The following SLC25A32 variants were observed in gnomAD, a reference collection of about 807,000 sequenced individuals.
The protein encoded by SLC25A32 is solute carrier family 25 member 32, also known as Glycine auxotroph B, complementation of hamster.
SLC25A32 carries 32 observed loss-of-function variants against 39.0 expected under a neutral mutation model. The observed-to-expected ratio is 0.82, with a 90% confidence interval of 0.62 to 1.10. SLC25A32 has a LOEUF of 1.10. SLC25A32 is among the 50% of genes least tolerant of loss of function. SLC25A32 has a pLI of 0.00. For synonymous variants in SLC25A32, 166 were observed against 152.4 expected (o/e 1.09, Z -0.66); for missense variants, 367 against 395.3 (o/e 0.93, Z 0.61).
intron 2 of SLC25A32, 47 bp from the exon 3 acceptor site, chr8:103,404,908 A>C (rs907923318): frequency 8.1e-6 from 11 of 1,360,520 alleles, no homozygotes; most frequent in African/African-American, 1.4e-5. Flanking sequence ...GGTGTCATTA[A>C]GTCTGTTTTA....
rs968937268 is a variant in SLC25A32 at position 103,399,067 on chromosome 8, G to A, written c.*1344C>T. ...ATACTAGTATTCTGGCATCCTTTGG[G>A]TACAGGCCCTTTTATATTTATAGAT... On this transcript the variant is annotated 3_prime_UTR_variant, in exon 7 of 7. Transcript: ENST00000297578. 8 of 152,134 alleles carry A rather than the reference G, an allele frequency of 5.3e-5. No individual in the cohort carries two copies. The highest frequency in any genetic ancestry group is 1.9e-4 in the African/African-American group (8 of 41,436). 9.4% of individuals were successfully genotyped at this position (152,134 alleles called of 1,614,324 possible).
chr8:103,406,856 A>G (rs1428217005), intron 2 of SLC25A32, among the ~76,000 whole-genome samples: 2 of 152,256 alleles, frequency 1.3e-5, no homozygotes, highest in Non-Finnish European at 2.9e-5. Context: ...ACAAGTAATT[A>G]ATGATACTTC....
intron 1 of SLC25A32, among the ~76,000 whole-genome samples, chr8:103,411,662 C>T (rs1304520812): frequency 6.6e-6 from 1 of 152,134 alleles, no homozygotes; most frequent in Non-Finnish European, 1.5e-5. Context: ...TTTCTCTGCC[C>T]ATCCTTAAAT....
chr8:103,403,822 C>G (rs1292420107), intron 3 of SLC25A32, among the ~76,000 whole-genome samples: 1 of 152,122 alleles, frequency 6.6e-6, no homozygotes, highest in African/African-American at 2.4e-5. Flanking sequence ...AACTACTACC[C>G]CTCAAAAATT....
chr8:103,400,358 A>G lies in SLC25A32; in HGVS notation c.*53T>C, dbSNP rs1816190480. ...AATTCTTCTTTTATGCCTTAAACAC[A>G]AAAGAGCTTGTTGCTGCCTTGGGCA... On this transcript the variant is annotated 3_prime_UTR_variant, in exon 7 of 7. Coordinates refer to ENST00000297578, the MANE Select transcript of SLC25A32 (RefSeq NM_030780.5). 2.3e-5 allele frequency: 37 copies of G among 1,604,600 alleles called. No homozygotes were observed. The highest frequency in any genetic ancestry group is 3.1e-5 in the Non-Finnish European group (37 of 1,174,618).
chr8:103,401,972 TG>T lies in SLC25A32; in HGVS notation c.634del (p.Gln212SerfsTer11). On this transcript the variant is annotated frameshift_variant, in exon 5 of 7. Coordinates refer to ENST00000297578, the MANE Select transcript of SLC25A32 (RefSeq NM_030780.5). LOFTEE classifies it high-confidence loss of function. ...GGCTTCTGGTAATCTATTGATATGC[TG>T]GTTGTACTTCAACTTCAGCAATTCA... ...AYELLKLKYNQHINRLPEAQL... is the reference protein window; with the variant it reads ...AYELLKLKYNXHINRLPEAQL... 6.2e-7 allele frequency: 1 copy of T among 1,613,330 alleles called. No homozygotes were observed.
At chr8:103,406,143 T>C (rs1465003622) in intron 2 of SLC25A32, among the ~76,000 whole-genome samples, 10 of 151,244 alleles carry the variant, frequency 6.6e-5, no homozygotes, top group Admixed American at 2.0e-4. Flanking sequence ...TATACACACA[T>C]ATATATGTCA....
At chr8:103,405,272 A>C (rs1295301902) in intron 2 of SLC25A32, among the ~76,000 whole-genome samples, 2 of 152,226 alleles carry the variant, frequency 1.3e-5, no homozygotes, top group Non-Finnish European at 2.9e-5. Context: ...TAAAAAGATA[A>C]ACAAGTGATG....
intron 1 of SLC25A32, among the ~76,000 whole-genome samples, chr8:103,411,151 T>C (rs1816455035): frequency 6.6e-6 from 1 of 152,248 alleles, no homozygotes; most frequent in African/African-American, 2.4e-5. Context: ...AATGTTTGTG[T>C]GTGGATAGCA....
chr8:103,403,546 T>G (rs1239402620), intron 3 of SLC25A32, among the ~76,000 whole-genome samples: 4 of 152,034 alleles, frequency 2.6e-5, no homozygotes, highest in Admixed American at 2.0e-4. Flanking sequence ...TGCAGTTAGC[T>G]AGAGGTAAAT....
intron 3 of SLC25A32, among the ~76,000 whole-genome samples, chr8:103,404,362 G>C (rs1302197985): frequency 6.6e-6 from 1 of 152,162 alleles, no homozygotes; most frequent in Non-Finnish European, 1.5e-5. Flanking sequence ...TTGGGAGGCA[G>C]AGGCAGGTGG....
At chr8:103,400,822 T>C (rs1005587627) in intron 6 of SLC25A32, among the ~76,000 whole-genome samples, 1 of 152,214 alleles carries the variant, frequency 6.6e-6, no homozygotes. Context: ...TTTAAATGTA[T>C]GTACAAGCAG....
Position 103,399,470 on chromosome 8 carries a change from A to T in SLC25A32, c.*941T>A, listed in dbSNP as rs561944384. The T allele has an allele frequency of 6.6e-6, 1 of 152,340 alleles. No individual in the cohort carries two copies. Among genetic ancestry groups the T allele is most frequent in the Non-Finnish European group, 1.5e-5 (1 of 68,032 alleles). 9.4% of individuals were successfully genotyped at this position (152,340 alleles called of 1,614,324 possible). The stretch of plus-strand genomic sequence containing the variant: ...ATGGAAGTCTCTGGGGAAAAAAAAT[A>T]GCAATGGAATGACAATAGATGTCAG... On this transcript the variant is annotated 3_prime_UTR_variant, in exon 7 of 7. Transcript: ENST00000297578.
chr8:103,407,802 C>T lies in SLC25A32; in HGVS notation c.155-18G>A, dbSNP rs561660302. 1.2e-6 allele frequency: 2 copies of T among 1,609,266 alleles called. No homozygotes were observed. The highest frequency in any genetic ancestry group is 2.2e-5 in the East Asian group (1 of 44,734). Reference sequence around the variant, plus strand: ...ATCACTCACTGCATCAAGGGATACACAAAGTCAGGTAAGAACAAAGTTCTA... The same window carrying T: ...ATCACTCACTGCATCAAGGGATACATAAAGTCAGGTAAGAACAAAGTTCTA... On this transcript the variant is annotated intron_variant, in intron 1 of 6. Coordinates refer to ENST00000297578, the MANE Select transcript of SLC25A32 (RefSeq NM_030780.5).
chr8:103,414,728 A>C, intron 1 of SLC25A32, 56 bp downstream of exon 1: 1 of 1,607,542 alleles, frequency 6.2e-7, no homozygotes, highest in Non-Finnish European at 8.5e-7. Flanking sequence ...GACGGAGGAG[A>C]TCCAGTTCGG....
intron 1 of SLC25A32, among the ~76,000 whole-genome samples, chr8:103,410,374 C>T (rs1816439473): frequency 6.6e-6 from 1 of 152,192 alleles, no homozygotes; most frequent in South Asian, 2.1e-4. Flanking sequence ...CTTACAGCTG[C>T]TCCCCATTGC....
chr8:103,408,505 G>A (rs1055380089), intron 1 of SLC25A32, among the ~76,000 whole-genome samples: 1 of 152,146 alleles, frequency 6.6e-6, no homozygotes. Context: ...CTAGCTAGGA[G>A]CCTCAATTTA....
In SLC25A32 at chr8:103,403,274, G is replaced by C. The variant is rs752496863; in HGVS notation, c.442C>G (p.Leu148Val). 8.1e-6 allele frequency: 13 copies of C among 1,612,470 alleles called. No homozygotes were observed. In the East Asian group the frequency reaches 2.7e-4, roughly 33 times the overall value. The change falls in exon 4 of 7, where the codon CTT becomes GTT. Residue 148 changes from leucine (L) to valine (V), a missense_variant. Physicochemically the swap from Leu to Val is conservative, Grantham distance 32 (BLOSUM62 1). Coordinates refer to ENST00000297578, the MANE Select transcript of SLC25A32 (RefSeq NM_030780.5). Reference protein sequence around the residue: ...TNPLWVTKTRLMLQYDAVVNS... With the variant: ...TNPLWVTKTRVMLQYDAVVNS... ...ACAACAGCATCATACTGTAACATAAGGCGAGTTTTTGTTACCCATAATGGG... is the reference window on the plus strand; with the variant it reads ...ACAACAGCATCATACTGTAACATAACGCGAGTTTTTGTTACCCATAATGGG...
chr8:103,407,898 C>CT (rs1267572890), intron 1 of SLC25A32, 114 bp from the exon 2 acceptor site: 3 of 558,548 alleles, frequency 5.4e-6, no homozygotes, highest in Non-Finnish European at 5.4e-6. Flanking sequence ...AGAAGAAAAA[C>CT]TTTTTTAGGT....
Sources: gnomAD v4.1 joint callset for allele counts (sites outside exome capture counted in the v4.1 genomes callset) on GRCh38, gnomAD v4.1.1 for gene constraint, MANE v1.5 for transcripts, NCBI Gene and HGNC (gene_info 2026-07-23, HGNC 2026-07-21) for gene names.